Variants in KCNH1 observed in about 807,000 individuals in gnomAD.
KCNH1 encodes potassium voltage-gated channel subfamily H member 1.
KCNH1 carries 27 observed loss-of-function variants against 69.2 expected under a neutral mutation model. The ratio of observed to expected loss-of-function variants is 0.39; its 90% CI spans 0.29 to 0.54. The LOEUF (loss-of-function observed/expected upper bound fraction) is 0.54. Among genes scored for constraint, KCNH1 ranks in the 20% least tolerant of loss-of-function variants. KCNH1 has a pLI of 0.68. For synonymous variants in KCNH1, 456 were observed against 487.7 expected (o/e 0.93, Z 0.86); for missense variants, 798 against 1,261.6 (o/e 0.63, Z 5.57).
intron 9 of KCNH1, among the ~76,000 whole-genome samples, chr1:210,792,611 G>C (rs574405327): frequency 6.6e-6 from 1 of 151,886 alleles, no homozygotes; most frequent in East Asian, 1.9e-4. Context: ...ACCAGGACTA[G>C]AGTTAAATCT....
chr1:210,692,040 G>A (rs564069121), intron 10 of KCNH1, among the ~76,000 whole-genome samples: 2 of 152,182 alleles, frequency 1.3e-5, no homozygotes, highest in Admixed American at 6.5e-5. Flanking sequence ...TCTGTTCTCA[G>A]GGGACCTGGT....
In KCNH1 at chr1:210,852,462, G is replaced by C. The variant is rs1013562519; in HGVS notation, c.1463-48296C>G. ...GCAAAGGTTTTCTTTGACCAGGAGAGTAAATTTTAAATTTTAATTAACCTA... is the reference window on the plus strand; with the variant it reads ...GCAAAGGTTTTCTTTGACCAGGAGACTAAATTTTAAATTTTAATTAACCTA... On this transcript the variant is annotated intron_variant, in intron 7 of 10. Transcript: ENST00000271751. Among the ~76,000 whole-genome samples, 104 of 152,278 alleles carry C rather than the reference G, an allele frequency of 6.8e-4. 1 individual carries two copies. The highest frequency in any genetic ancestry group is 2.5e-3 in the African/African-American group (104 of 41,560).
chr1:210,755,719 A>T (rs1683383760), intron 10 of KCNH1, among the ~76,000 whole-genome samples: 1 of 152,132 alleles, frequency 6.6e-6, no homozygotes, highest in Non-Finnish European at 1.5e-5. Flanking sequence ...TTATGAGTAC[A>T]CTTTGACTTT....
intron 5 of KCNH1, among the ~76,000 whole-genome samples, chr1:211,064,621 A>T (rs1218920638): frequency 3.3e-5 from 5 of 151,120 alleles, no homozygotes; most frequent in East Asian, 3.8e-4. Flanking sequence ...TTTTTTTTTT[A>T]AATGTATAAG....
At chr1:210,859,385 T>C (rs1685924986) in intron 7 of KCNH1, 3 of 1,569,122 alleles carry the variant, frequency 1.9e-6, no homozygotes, top group Non-Finnish European at 2.6e-6. Context: ...TGATTTCGAA[T>C]GGTTTGAAAG....
At chr1:210,994,739 T>G (rs968836174) in intron 6 of KCNH1, among the ~76,000 whole-genome samples, 1 of 152,198 alleles carries the variant, frequency 6.6e-6, no homozygotes, top group Non-Finnish European at 1.5e-5. Context: ...GGCTTCTACC[T>G]AACTTTTCAA....
intron 10 of KCNH1, among the ~76,000 whole-genome samples, chr1:210,734,335 T>C (rs1266505739): frequency 4.6e-5 from 7 of 152,092 alleles, no homozygotes; most frequent in Non-Finnish European, 1.0e-4. Context: ...TCAGAAGCTG[T>C]CTCTTCTTTG....
At chr1:210,942,660 C>A (rs1472188203) in intron 6 of KCNH1, among the ~76,000 whole-genome samples, 2 of 151,916 alleles carry the variant, frequency 1.3e-5, no homozygotes, top group East Asian at 3.9e-4. Flanking sequence ...ATATACTGGA[C>A]CTAAACAGCT....
intron 7 of KCNH1, among the ~76,000 whole-genome samples, chr1:210,843,664 G>A (rs1685474850): frequency 6.6e-6 from 1 of 152,166 alleles, no homozygotes; most frequent in African/African-American, 2.4e-5. Flanking sequence ...ACAGGATCAT[G>A]TCCATTTAAT....
intron 10 of KCNH1, among the ~76,000 whole-genome samples, chr1:210,744,178 A>T (rs1683096543): frequency 6.6e-6 from 1 of 152,212 alleles, no homozygotes; most frequent in Non-Finnish European, 1.5e-5. Flanking sequence ...AGTATGCCCA[A>T]GCCCCAGCAC....
chr1:211,022,924 C>A (rs1475309550), intron 5 of KCNH1, among the ~76,000 whole-genome samples: 1 of 151,698 alleles, frequency 6.6e-6, no homozygotes, highest in Non-Finnish European at 1.5e-5. Context: ...CCAGCCTGGC[C>A]AACATGGTAA....
intron 6 of KCNH1, among the ~76,000 whole-genome samples, chr1:211,000,606 C>A (rs1689156783): frequency 6.6e-6 from 1 of 152,118 alleles, no homozygotes; most frequent in Admixed American, 6.5e-5. Flanking sequence ...TTTATAGATT[C>A]AATGCCATCC....
At chr1:211,112,509 A>AC (rs1183789697) in intron 1 of KCNH1, among the ~76,000 whole-genome samples, 3 of 150,404 alleles carry the variant, frequency 2.0e-5, no homozygotes, top group Non-Finnish European at 4.4e-5. Flanking sequence ...AATAAAAAAA[A>AC]AAAAAAAAAA....
chr1:210,921,805 G>A (rs890384937), intron 6 of KCNH1, among the ~76,000 whole-genome samples: 30 of 152,236 alleles, frequency 2.0e-4, no homozygotes, highest in Admixed American at 5.9e-4. Context: ...CCTGGGTCCC[G>A]GAAGGACTAT....
At chr1:210,723,300 A>G (rs1473665706) in intron 10 of KCNH1, among the ~76,000 whole-genome samples, 2 of 151,876 alleles carry the variant, frequency 1.3e-5, no homozygotes, top group African/African-American at 4.9e-5. Flanking sequence ...CATGAGAAAA[A>G]AAATGTTCTT....
At chr1:211,007,162 C>T (rs1689300708) in intron 6 of KCNH1, among the ~76,000 whole-genome samples, 1 of 152,128 alleles carries the variant, frequency 6.6e-6, no homozygotes, top group Non-Finnish European at 1.5e-5. Context: ...GAAGCACATC[C>T]CTGAGGCACG....
intron 10 of KCNH1, among the ~76,000 whole-genome samples, chr1:210,753,909 A>ATTTTTTT (rs397982788): frequency 2.1e-5 from 3 of 140,896 alleles, no homozygotes; most frequent in Non-Finnish European, 4.6e-5. Context: ...TATCAGACTA[A>ATTTTTTT]TTTTTTTTTT....
chr1:210,991,780 A>G (rs1461807583), intron 6 of KCNH1, among the ~76,000 whole-genome samples: 1 of 152,196 alleles, frequency 6.6e-6, no homozygotes, highest in African/African-American at 2.4e-5. Flanking sequence ...TAAGATTTAA[A>G]TTGTTTTTAA....
At chr1:210,978,250 G>A (rs1688650545) in intron 6 of KCNH1, among the ~76,000 whole-genome samples, 1 of 152,070 alleles carries the variant, frequency 6.6e-6, no homozygotes, top group South Asian at 2.1e-4. Context: ...ATGTTAGCCA[G>A]GATGGTCTCT....
Sources: allele counts gnomAD v4.1 joint callset (sites outside exome capture counted in the v4.1 genomes callset), GRCh38; gene constraint gnomAD v4.1.1; transcripts MANE v1.5; gene names NCBI Gene and HGNC (gene_info 2026-07-23, HGNC 2026-07-21).